Variants in PAK2 observed in about 807,000 individuals in gnomAD.
PAK2 encodes the protein p21 (RAC1) activated kinase 2.
In PAK2, 21 loss-of-function variants were observed where a neutral mutation model predicts 65.9. The observed-to-expected ratio is 0.32, with a 90% confidence interval of 0.23 to 0.46. The LOEUF is 0.46. Ranked by LOEUF, PAK2 falls within the 20% of genes least tolerant of loss-of-function variation. The pLI is 1.00. For synonymous variants in PAK2, 204 were observed against 219.7 expected, an observed-to-expected ratio of 0.93 and a Z score of 0.63; for missense variants, 324 against 642.6, an observed-to-expected ratio of 0.50 and a Z score of 5.36.
chr3:196,773,254 C>T (rs141118891), intron 1 of PAK2, among the ~76,000 whole-genome samples: 2 of 152,122 alleles, frequency 1.3e-5, no homozygotes, highest in Non-Finnish European at 2.9e-5. Context: ...CACTACTTAC[C>T]GTTTGCTCTT....
At chr3:196,777,975 C>CACAGCCCTGTGCAGCCATCT (rs1714588081) in intron 1 of PAK2, among the ~76,000 whole-genome samples, 1 of 152,158 alleles carries the variant, frequency 6.6e-6, no homozygotes. Context: ...GCAGCCATCT[C>CACAGCCCTGTGCAGCCATCT]CACTGTCTTC....
chr3:196,741,897 G>C (rs540952010), intron 1 of PAK2, among the ~76,000 whole-genome samples: 2 of 152,196 alleles, frequency 1.3e-5, no homozygotes, highest in South Asian at 4.2e-4. Context: ...GAGTTCCTGG[G>C]TATTTCACTT....
At chr3:196,755,390 A>G (rs965550020) in intron 1 of PAK2, among the ~76,000 whole-genome samples, 4 of 150,404 alleles carry the variant, frequency 2.7e-5, no homozygotes, top group African/African-American at 4.9e-5. Flanking sequence ...TTGAATTGCT[A>G]TTTGGGGTTC....
chr3:196,775,935 A>T (rs1203483718), intron 1 of PAK2, among the ~76,000 whole-genome samples: 1 of 152,158 alleles, frequency 6.6e-6, no homozygotes, highest in Non-Finnish European at 1.5e-5. Flanking sequence ...TTCTGTTAAA[A>T]TGTGTTCTGT....
intron 1 of PAK2, among the ~76,000 whole-genome samples, chr3:196,774,704 CT>C (rs1459594756): frequency 2.0e-5 from 3 of 152,134 alleles, no homozygotes; most frequent in Non-Finnish European, 4.4e-5. Flanking sequence ...AGTCCTCAGT[CT>C]GTAGGTTATG....
At chr3:196,752,695 G>C (rs1382562524) in intron 1 of PAK2, among the ~76,000 whole-genome samples, 1 of 151,918 alleles carries the variant, frequency 6.6e-6, no homozygotes, top group East Asian at 1.9e-4. Context: ...CTCTTCCCTG[G>C]TTCAAGCAAT....
At chr3:196,758,353 C>CA (rs1713834322) in intron 1 of PAK2, among the ~76,000 whole-genome samples, 2 of 152,220 alleles carry the variant, frequency 1.3e-5, no homozygotes, top group South Asian at 4.1e-4. Flanking sequence ...AGGTGTTTGC[C>CA]AGGTGGAGGT....
intron 9 of PAK2, among the ~76,000 whole-genome samples, 165 bp downstream of exon 9, chr3:196,812,432 T>C (rs1390242571): frequency 6.6e-6 from 1 of 152,196 alleles, no homozygotes; most frequent in Non-Finnish European, 1.5e-5. Flanking sequence ...GGGGAAGGAC[T>C]TATGAGTTCA....
Position 196,827,280 on chromosome 3 carries a change from C to T in PAK2, c.1435C>T (p.Arg479Ter). The stretch of plus-strand genomic sequence containing the variant: ...CCCAATATTTCGGGATTTCTTAAAT[C>T]GATGTTTGGAAATGGATGTGGAAAA... ...LSPIFRDFLN[R>*]CLEMDVEKRG... The change falls in exon 14 of 15, where the codon CGA becomes TGA. Residue 479 changes from arginine to a stop codon, truncating the protein, a stop_gained. Coordinates refer to ENST00000327134, the MANE Select transcript of PAK2 (RefSeq NM_002577.4). LOFTEE classifies it high-confidence loss of function. 6.2e-7 allele frequency: 1 copy of T among 1,612,082 alleles called. No homozygotes were observed. The highest frequency in any genetic ancestry group is 8.5e-7 in the Non-Finnish European group (1 of 1,178,638).
chr3:196,757,536 T>TTTTA (rs1156767528), intron 1 of PAK2, among the ~76,000 whole-genome samples: 1 of 152,180 alleles, frequency 6.6e-6, no homozygotes, highest in Non-Finnish European at 1.5e-5. Context: ...GACCTTATTC[T>TTTTA]GGTTTGAGGT....
intron 1 of PAK2, among the ~76,000 whole-genome samples, chr3:196,751,707 A>C (rs1713605952): frequency 8.7e-6 from 1 of 115,258 alleles, no homozygotes; most frequent in Non-Finnish European, 1.8e-5. Context: ...TTCAGGCTAT[A>C]TATAAAAGGC....
At chr3:196,797,257 G>T (rs1471998045) in intron 2 of PAK2, among the ~76,000 whole-genome samples, 1 of 152,122 alleles carries the variant, frequency 6.6e-6, no homozygotes, top group Non-Finnish European at 1.5e-5. Context: ...TTGAGGTCAG[G>T]AGTTCGAGAC....
In PAK2 at chr3:196,776,902, T is replaced by G. The variant is rs115270687; in HGVS notation, c.-21-5724T>G. Among the ~76,000 whole-genome samples the G allele has an allele frequency of 9.3e-3, 1,419 of 152,322 alleles. 24 individuals are homozygous for G. The highest frequency in any genetic ancestry group is 0.031 in the African/African-American group (1,308 of 41,570). ...TACCAAAGAAGAAAATCCACAATTA[T>G]GTGAAAGCTGTTAAAATGCTCCTCC... On this transcript the variant is annotated intron_variant, in intron 1 of 14. Coordinates refer to ENST00000327134, the MANE Select transcript of PAK2 (RefSeq NM_002577.4).
In PAK2 at chr3:196,762,614, G is replaced by T. The variant is rs1241273062; in HGVS notation, c.-21-20012G>T. Among the ~76,000 whole-genome samples, 9 of 151,366 alleles carry T rather than the reference G, an allele frequency of 5.9e-5. No homozygotes were observed. In the South Asian group the frequency reaches 6.3e-4, roughly 11 times the overall value. ...GGCAGGAGAATCAGACAGGGAGGTT[G>T]CAGTGAGCTGAGATGGCAGCAGTAC... On this transcript the variant is annotated intron_variant, in intron 1 of 14. Transcript: ENST00000327134.
chr3:196,751,059 T>C (rs936837175), intron 1 of PAK2, among the ~76,000 whole-genome samples: 1 of 152,144 alleles, frequency 6.6e-6, no homozygotes, highest in African/African-American at 2.4e-5. Flanking sequence ...CAGCCCCCAG[T>C]AGCCTATCTC....
At chr3:196,783,865 T>C (rs1354519495) in intron 2 of PAK2, among the ~76,000 whole-genome samples, 2 of 152,248 alleles carry the variant, frequency 1.3e-5, no homozygotes, top group African/African-American at 4.8e-5. Context: ...CTCAGCTTTA[T>C]GCTTTTGAGA....
chr3:196,777,196 T>C (rs939089381), intron 1 of PAK2, among the ~76,000 whole-genome samples: 1 of 151,928 alleles, frequency 6.6e-6, no homozygotes, highest in Non-Finnish European at 1.5e-5. Flanking sequence ...AACAACTTGG[T>C]TTTTTTTGTT....
chr3:196,827,460 AT>A (rs1711916392), intron 14 of PAK2, 127 bp downstream of exon 14: 1 of 1,494,806 alleles, frequency 6.7e-7, no homozygotes, highest in Admixed American at 2.4e-5. Context: ...AGCTGCTGCA[AT>A]TTAGGGTTTC....
chr3:196,759,498 G>GTTTTTTTTGTTTTTTT (rs1713882381), intron 1 of PAK2, among the ~76,000 whole-genome samples: 1 of 108,116 alleles, frequency 9.2e-6, no homozygotes, highest in Non-Finnish European at 1.8e-5. Context: ...GGTTTTTTTT[G>GTTTTTTTTGTTTTTTT]TTTTTTTTTT....
Sources: allele counts gnomAD v4.1 joint callset (sites outside exome capture counted in the v4.1 genomes callset), GRCh38; gene constraint gnomAD v4.1.1; transcripts MANE v1.5; gene names NCBI Gene and HGNC (gene_info 2026-07-23, HGNC 2026-07-21).